The following PDE2A variants were observed in gnomAD, a reference collection of about 807,000 sequenced individuals.
The protein encoded by PDE2A is cGMP-dependent 3',5'-cyclic phosphodiesterase.
Under a neutral mutation model 133.6 loss-of-function variants are expected in PDE2A, and 53 were observed. That is an observed-to-expected ratio of 0.40 (90% CI 0.32 to 0.50). PDE2A has a LOEUF of 0.50. Among genes scored for constraint, PDE2A ranks in the 20% least tolerant of loss-of-function variants. PDE2A has a pLI of 0.73. For synonymous variants in PDE2A, 491 were observed against 490.2 expected (o/e 1.00, Z -0.02); for missense variants, 796 against 1,232.4 (o/e 0.65, Z 5.30).
chr11:72,640,573 C>A (rs1489700967), intron 2 of PDE2A, among the ~76,000 whole-genome samples: 3 of 152,108 alleles, frequency 2.0e-5, no homozygotes, highest in Non-Finnish European at 4.4e-5. Context: ...AGATATATTA[C>A]CCAAGCAATC....
intron 3 of PDE2A, among the ~76,000 whole-genome samples, chr11:72,608,027 G>A (rs1857048106): frequency 6.6e-6 from 1 of 152,122 alleles, no homozygotes; most frequent in Non-Finnish European, 1.5e-5. Flanking sequence ...GTAGGGGAGT[G>A]GCCTGGAACA....
At chr11:72,582,368 T>C (rs753443504) in intron 21 of PDE2A, 76 bp downstream of exon 21, 1 of 1,429,340 alleles carries the variant, frequency 7.0e-7, no homozygotes, top group Non-Finnish European at 9.7e-7. Context: ...CCCAGGAAGT[T>C]CTTGATGCGC....
intron 2 of PDE2A, among the ~76,000 whole-genome samples, chr11:72,618,120 C>T (rs1337136182): frequency 1.3e-5 from 2 of 152,164 alleles, no homozygotes; most frequent in Non-Finnish European, 2.9e-5. Flanking sequence ...GAGTGACAGG[C>T]TCCGAGCAAA....
At chr11:72,630,769 G>A (rs992920258) in intron 2 of PDE2A, among the ~76,000 whole-genome samples, 2 of 152,066 alleles carry the variant, frequency 1.3e-5, no homozygotes, top group South Asian at 2.1e-4. Flanking sequence ...AGAGGAACTC[G>A]GGAAATACTC....
intron 25 of PDE2A, 49 bp downstream of exon 25, chr11:72,580,528 C>A: frequency 7.1e-7 from 1 of 1,407,354 alleles, no homozygotes; most frequent in Non-Finnish European, 9.9e-7. Context: ...CTTTGCAAGT[C>A]ACTGGCCTTA....
chr11:72,628,192 G>A lies in PDE2A; in HGVS notation c.144+14062C>T, dbSNP rs543279866. 1.2e-4 allele frequency among the ~76,000 whole-genome samples: 18 copies of A among 152,356 alleles called. No homozygotes were observed. The South Asian group carries it at 3.5e-3, about 30-fold the overall frequency. The stretch of plus-strand genomic sequence containing the variant: ...ATGTCATCCTTGAGGGAAACAGAGA[G>A]GAGGCTAACTCTCCCCAAGGATCTG... On this transcript the variant is annotated intron_variant, in intron 2 of 30. Transcript: ENST00000334456.
Position 72,585,265 on chromosome 11 carries a change from G to A in PDE2A, c.1286+106C>T. ...AAAGGATCCCTCAAAAGGTGATGAA[G>A]TCCCGCAGAAGGCAGAGAAAGGGAA... On this transcript the variant is annotated intron_variant, in intron 16 of 30. Coordinates refer to ENST00000334456, the MANE Select transcript of PDE2A (RefSeq NM_002599.5). 5.4e-6 allele frequency: 5 copies of A among 929,680 alleles called. No homozygotes were observed. In the South Asian group the frequency reaches 7.0e-5, roughly 13 times the overall value. 57.6% of individuals were successfully genotyped at this position (929,680 alleles called of 1,614,324 possible). A position where few individuals can be genotyped will look rare whatever the true frequency, so the allele number is the denominator to read the frequency against.
intron 2 of PDE2A, chr11:72,636,205 G>A (rs1325527438): frequency 2.1e-6 from 2 of 965,694 alleles, no homozygotes; most frequent in Non-Finnish European, 2.5e-6. Flanking sequence ...AGCTGCAGGG[G>A]GCAGCCACAT....
intron 2 of PDE2A, among the ~76,000 whole-genome samples, chr11:72,626,532 G>T (rs549302189): frequency 2.4e-4 from 36 of 152,326 alleles, no homozygotes; most frequent in African/African-American, 8.4e-4. Context: ...GAGAATGTTA[G>T]ATAAGGGCCC....
intron 30 of PDE2A, among the ~76,000 whole-genome samples, chr11:72,577,909 T>C (rs1395800709): frequency 6.6e-6 from 1 of 150,834 alleles, no homozygotes; most frequent in Non-Finnish European, 1.5e-5. Context: ...GAGGGGGAGG[T>C]TGCAGTGAGC....
chr11:72,648,817 A>G (rs1208663791), intron 1 of PDE2A, among the ~76,000 whole-genome samples: 1 of 152,078 alleles, frequency 6.6e-6, no homozygotes, highest in Non-Finnish European at 1.5e-5. Context: ...CCTATGCACA[A>G]TTGGAGTCTT....
At chr11:72,650,842 G>A (rs924636932) in intron 1 of PDE2A, among the ~76,000 whole-genome samples, 2 of 102,280 alleles carry the variant, frequency 2.0e-5, no homozygotes, top group Admixed American at 9.1e-5. Context: ...CCTCAGGTTA[G>A]AGTCAGTCCC....
At chr11:72,580,996 A>G (rs760214005) in intron 23 of PDE2A, 23 bp from the exon 24 acceptor site, 14 of 1,527,674 alleles carry the variant, frequency 9.2e-6, no homozygotes, top group East Asian at 2.2e-5. Context: ...CAGAAAGGAG[A>G]AAAAAAAGAG....
At chr11:72,596,487 C>CACAT (rs1856493957) in intron 6 of PDE2A, 106 bp downstream of exon 6, 1 of 373,304 alleles carries the variant, frequency 2.7e-6, no homozygotes, top group Admixed American at 4.7e-5. Flanking sequence ...CTCTCTCTCA[C>CACAT]ACACACACAC....
chr11:72,641,173 C>A (rs1462984157), intron 2 of PDE2A, among the ~76,000 whole-genome samples: 1 of 152,232 alleles, frequency 6.6e-6, no homozygotes, highest in African/African-American at 2.4e-5. Flanking sequence ...CCCGTCAAGA[C>A]CAGGGCAGCT....
chr11:72,612,937 T>C (rs1456327502), intron 2 of PDE2A, among the ~76,000 whole-genome samples: 1 of 152,242 alleles, frequency 6.6e-6, no homozygotes, highest in Admixed American at 6.5e-5. Flanking sequence ...GGGCTAGATC[T>C]GCATTTCTGC....
rs984013705 is a variant in PDE2A at position 72,605,491 on chromosome 11, C to T, written c.235-265G>A. 3.2e-4 allele frequency among the ~76,000 whole-genome samples: 48 copies of T among 152,218 alleles called. 2 individuals carry two copies. Among genetic ancestry groups the T allele is most frequent in the Admixed American group, 2.6e-3 (39 of 15,286 alleles). On this transcript the variant is annotated intron_variant, in intron 3 of 30. Transcript: ENST00000334456. ...TGAACCTATGACCTTTTTTACCACC[C>T]AAAACCCAATGTGCCAGGTAAAGAG...
intron 1 of PDE2A, among the ~76,000 whole-genome samples, chr11:72,672,353 T>G (rs1855404603): frequency 6.6e-6 from 1 of 152,110 alleles, no homozygotes; most frequent in African/African-American, 2.4e-5. Flanking sequence ...CCAGCTAATT[T>G]TATTGTATTT....
intron 4 of PDE2A, among the ~76,000 whole-genome samples, chr11:72,603,794 G>C (rs911723137): frequency 1.3e-5 from 2 of 152,210 alleles, no homozygotes; most frequent in Non-Finnish European, 2.9e-5. Context: ...TTAGGGGAAG[G>C]TGAAAGGAGC....
Sources: gnomAD v4.1 joint callset for allele counts (sites outside exome capture counted in the v4.1 genomes callset) on GRCh38, gnomAD v4.1.1 for gene constraint, MANE v1.5 for transcripts, NCBI Gene and HGNC (gene_info 2026-07-23, HGNC 2026-07-21) for gene names.